The following BCAR1 variants were observed in gnomAD, a reference collection of about 807,000 sequenced individuals.
BCAR1 encodes the protein breast cancer anti-estrogen resistance protein 1.
Under a neutral mutation model 67.6 loss-of-function variants are expected in BCAR1, and 30 were observed. That is an observed-to-expected ratio of 0.44 (90% CI 0.33 to 0.60). The LOEUF (loss-of-function observed/expected upper bound fraction) is 0.60, where lower values mean the gene tolerates loss of function less well. Ranked by LOEUF, BCAR1 falls within the 20% of genes least tolerant of loss-of-function variation. The pLI, the probability that BCAR1 is intolerant of heterozygous loss-of-function variation, is 0.02. For missense variants in BCAR1, 1,313 were observed against 1,222.3 expected (o/e 1.07, Z -1.11); for synonymous variants, 626 against 556.7 (o/e 1.12, Z -1.75).
At position 75,230,564 on chromosome 16, in the gene BCAR1, A is replaced by T. The variant is rs2076869484; in HGVS notation, c.2101-541T>A. 3.3e-5 allele frequency among the ~76,000 whole-genome samples: 5 copies of T among 152,240 alleles called. No individual in the cohort carries two copies. In the South Asian group the frequency reaches 1.0e-3, roughly 32 times the overall value. Reference sequence around the variant, plus strand: ...CCTGTAATCCAATGCCCCTAAATAGAACCTCTGCTAAATCATCTTCCAGAA... The same window carrying T: ...CCTGTAATCCAATGCCCCTAAATAGTACCTCTGCTAAATCATCTTCCAGAA... On this transcript the variant is annotated intron_variant, in intron 6 of 6. Coordinates refer to ENST00000162330, the MANE Select transcript of BCAR1 (RefSeq NM_014567.5).
At chr16:75,263,357 C>A in intron 1 of BCAR1, 1 of 985,422 alleles carries the variant, frequency 1.0e-6, no homozygotes, top group Non-Finnish European at 1.2e-6. Context: ...AATGTGTCCT[C>A]TCAGCTGCAG....
chr16:75,258,243 C>T (rs79776878), intron 1 of BCAR1, among the ~76,000 whole-genome samples: 3,149 of 152,328 alleles, frequency 0.021, 104 homozygotes, highest in African/African-American at 0.071. Context: ...TCCTCAGATG[C>T]CCTCAGCATC....
chr16:75,233,759 G>T, intron 6 of BCAR1, 87 bp downstream of exon 6: 1 of 1,364,680 alleles, frequency 7.3e-7, no homozygotes, highest in Non-Finnish European at 1.0e-6. Context: ...AGAAGCTGGG[G>T]ACCCGGGGTC....
chr16:75,267,788 A>C, intron 1 of BCAR1: 1 of 983,246 alleles, frequency 1.0e-6, no homozygotes. Flanking sequence ...GGAGGGGCGC[A>C]GATGGAGCTG....
upstream of BCAR1, chr16:75,252,356 C>T: frequency 2.0e-6 from 3 of 1,525,768 alleles, no homozygotes; most frequent in South Asian, 2.4e-5. Flanking sequence ...CTGAGTCCTG[C>T]TCCAACTCAT....
upstream of BCAR1, among the ~76,000 whole-genome samples, chr16:75,254,387 A>G (rs2077736149): frequency 6.6e-6 from 1 of 151,894 alleles, no homozygotes; most frequent in Non-Finnish European, 1.5e-5. Flanking sequence ...CACCACCCCC[A>G]CCCCACTAAG....
At chr16:75,234,571 C>T (rs1212916240) in intron 5 of BCAR1, among the ~76,000 whole-genome samples, 2 of 152,226 alleles carry the variant, frequency 1.3e-5, no homozygotes, top group African/African-American at 2.4e-5. Context: ...TCCCAGCCAC[C>T]TCCCACCACC....
upstream of BCAR1, chr16:75,256,208 CT>C (rs2077770277): frequency 6.6e-6 from 1 of 152,474 alleles, no homozygotes; most frequent in African/African-American, 2.4e-5. Context: ...CACCTTCCAC[CT>C]CATAACCCAG....
At chr16:75,238,035 G>C in intron 2 of BCAR1, 1 of 1,288,478 alleles carries the variant, frequency 7.8e-7, no homozygotes, top group East Asian at 5.6e-5. Flanking sequence ...GAAAGGATGA[G>C]GCCTAGTGGG....
chr16:75,242,150 A>G (rs1399048930), intron 2 of BCAR1, among the ~76,000 whole-genome samples: 1 of 152,206 alleles, frequency 6.6e-6, no homozygotes, highest in Non-Finnish European at 1.5e-5. Flanking sequence ...GCGGGGGCCC[A>G]GCAACTGCCG....
chr16:75,258,088 G>A (rs1358404551), intron 1 of BCAR1, among the ~76,000 whole-genome samples: 5 of 152,172 alleles, frequency 3.3e-5, no homozygotes, highest in Admixed American at 6.5e-5. Flanking sequence ...CCCACTGCCC[G>A]CAGCATACCC....
intron 1 of BCAR1, chr16:75,248,466 G>T: frequency 1.5e-6 from 1 of 682,428 alleles, no homozygotes; most frequent in Non-Finnish European, 2.0e-6. Flanking sequence ...TCCGCACCCG[G>T]GACCCACCTG....
rs2077052918 is a variant in BCAR1, at chr16:75,235,044, C to T, written c.1855G>A (p.Gly619Ser). 2.5e-6 allele frequency: 4 copies of T among 1,613,092 alleles called. No homozygotes were observed. Among genetic ancestry groups the T allele is most frequent in the African/African-American group, 1.3e-5 (1 of 74,932 alleles). ...TCAGTGGGGTTGGGGTGCAGGGTGCCACCCCCCTCAGGCCCCGGGGCAGTG... is the reference window on the plus strand; with the variant it reads ...TCAGTGGGGTTGGGGTGCAGGGTGCTACCCCCCTCAGGCCCCGGGGCAGTG... Reference protein sequence around the residue: ...KATAPGPEGGGTLHPNPTDKT... With the variant: ...KATAPGPEGGSTLHPNPTDKT... The change falls in exon 5 of 7, where the codon GGC becomes AGC. Residue 619 changes from glycine to serine, a missense_variant. Around this residue, in one of 2 missense-constraint regions of BCAR1, gnomAD observed 1,272 missense variants for 1,137.5 expected, o/e 1.12. Transcript: ENST00000162330.
chr16:75,265,802 G>T (rs1321964045), intron 1 of BCAR1: 7 of 1,197,374 alleles, frequency 5.8e-6, no homozygotes, highest in Non-Finnish European at 7.2e-6. Flanking sequence ...CCGGCCCGGG[G>T]TCCCGGGCGG....
intron 4 of BCAR1, 149 bp downstream of exon 4, chr16:75,236,733 T>C (rs1428396718): frequency 1.5e-6 from 2 of 1,339,448 alleles, no homozygotes; most frequent in Non-Finnish European, 9.6e-7. Context: ...GATTTCCTCA[T>C]CTGTCAACCA....
At chr16:75,251,888 C>G (rs2077690878), upstream of BCAR1, 4 of 358,468 alleles carry the variant, frequency 1.1e-5, no homozygotes, top group Admixed American at 1.7e-4. Context: ...CACGTCCCCG[C>G]CTTCCACCCA....
At chr16:75,239,191 C>T (rs985690348) in intron 2 of BCAR1, 1 of 875,950 alleles carries the variant, frequency 1.1e-6, no homozygotes, top group Non-Finnish European at 1.4e-6. Flanking sequence ...TAATCACAGG[C>T]CACCCTGCTG....
At chr16:75,246,360 T>C (rs2077525044) in intron 1 of BCAR1, 1 of 152,236 alleles carries the variant, frequency 6.6e-6, no homozygotes, top group Admixed American at 6.5e-5. Context: ...AAGGCCTCTG[T>C]CTGAACCGGG....
Position 75,240,817 on chromosome 16 carries a change from T to C in BCAR1, c.633+1653A>G, listed in dbSNP as rs150334983. Among the ~76,000 whole-genome samples the C allele has an allele frequency of 2.9e-3, 437 of 152,322 alleles. 3 individuals are homozygous for C. Among genetic ancestry groups the C allele is most frequent in the African/African-American group, 0.01 (417 of 41,560 alleles). ...GCACAGGTCTGGGCAGCTCTACCAG[T>C]GGGCATGGGCAGAGAAGGACCCAGC... is the stretch of plus-strand genomic sequence containing the variant. On this transcript the variant is annotated intron_variant, in intron 2 of 6. Coordinates refer to ENST00000162330, the MANE Select transcript of BCAR1 (RefSeq NM_014567.5).
Sources: allele counts gnomAD v4.1 joint callset (sites outside exome capture counted in the v4.1 genomes callset), GRCh38; gene constraint gnomAD v4.1.1; regional missense constraint gnomAD v4.1.1; transcripts MANE v1.5; gene names NCBI Gene and HGNC (gene_info 2026-07-23, HGNC 2026-07-21).